The following TRIM46 variants were observed in gnomAD, a reference collection of about 807,000 sequenced individuals.
TRIM46 encodes tripartite motif containing 46.
TRIM46 carries 17 observed loss-of-function variants against 69.7 expected under a neutral mutation model. That is an observed-to-expected ratio of 0.24 (90% CI 0.17 to 0.37). The LOEUF (loss-of-function observed/expected upper bound fraction) is 0.37. Among genes scored for constraint, TRIM46 ranks in the 10% least tolerant of loss-of-function variants. TRIM46 has a pLI of 1.00. For synonymous variants in TRIM46, 391 were observed against 429.0 expected (o/e 0.91, Z 1.09); for missense variants, 675 against 1,025.1 (o/e 0.66, Z 4.66).
chr1:155,178,835 G>A (rs1323223217), intron 7 of TRIM46: 5 of 1,456,384 alleles, frequency 3.4e-6, no homozygotes, highest in East Asian at 2.9e-5. Flanking sequence ...ACTCTGCTCC[G>A]GAGCACCCCA....
Position 155,177,233 on chromosome 1 carries a change from C to G in TRIM46, c.852C>G (p.Asn284Lys), listed in dbSNP as rs747685533. The G allele has an allele frequency of 3.1e-6, 5 of 1,614,044 alleles. No homozygotes were observed. In the East Asian group the frequency reaches 1.1e-4, roughly 36 times the overall value. The change falls in exon 5 of 10, where the codon AAC becomes AAG. Residue 284 changes from asparagine to lysine, a missense_variant. Asn to Lys is a moderately conservative substitution (Grantham distance 94). This residue lies in a region of TRIM46 where 361 missense variants were observed against 498.3 expected (regional missense o/e 0.72). Coordinates refer to ENST00000334634, the MANE Select transcript of TRIM46 (RefSeq NM_025058.5). Reference protein sequence around the residue: ...LTKSLTYILGNQDTVQTQICE... With the variant: ...LTKSLTYILGKQDTVQTQICE... ...AGAGCCTGACATACATCCTGGGAAA[C>G]CAGGACACGGTACAGACCCAGATCT...
rs1665575091 is a variant in TRIM46, at chr1:155,175,555, C to T, written c.233C>T (p.Thr78Ile). 6.2e-7 allele frequency: 1 copy of T among 1,612,874 alleles called. No individual in the cohort carries two copies. Among genetic ancestry groups the T allele is most frequent in the Non-Finnish European group, 8.5e-7 (1 of 1,179,602 alleles). Reference protein sequence around the residue: ...GHGGDPSSEPTSPASTPSTRS... With the variant: ...GHGGDPSSEPISPASTPSTRS... ...GGTGGGGACCCCAGCTCCGAGCCCA[C>T]CTCTCCTGCCTCCACCCCTTCCACC... The change falls in exon 2 of 10, where the codon ACC becomes ATC. Residue 78 changes from threonine (T) to isoleucine (I), a missense_variant. By Grantham distance (89) the Thr-to-Ile change is moderately conservative. This residue lies in a region of TRIM46 where 170 missense variants were observed against 255.6 expected (regional missense o/e 0.67). Transcript: ENST00000334634. This position sits in a 1 kb window ranked among gnomAD's most constrained non-coding sequence, Gnocchi z 4.2.
rs183401065 is a variant in TRIM46, at chr1:155,178,324, C to G, written c.1163+69C>G. The G allele has an allele frequency of 1.7e-5, 26 of 1,560,042 alleles. No homozygotes were observed. In the East Asian group the frequency reaches 5.9e-4, roughly 35 times the overall value. On this transcript the variant is annotated intron_variant, in intron 6 of 9. Coordinates refer to ENST00000334634, the MANE Select transcript of TRIM46 (RefSeq NM_025058.5). ...ATGTGACCAACATCTAGGACAATGT[C>G]TACAGTACTGCCAGGTGGAGAACTG...
chr1:155,174,362 C>A, intron 1 of TRIM46: 1 of 314,914 alleles, frequency 3.2e-6, no homozygotes, highest in Non-Finnish European at 4.6e-6. Flanking sequence ...GACGTGTGAG[C>A]TTGGATATTT....
At chr1:155,176,852 G>T in intron 3 of TRIM46, 80 bp from the exon 4 acceptor site, 2 of 1,540,970 alleles carry the variant, frequency 1.3e-6, no homozygotes, top group Non-Finnish European at 8.9e-7. Context: ...GTGGAGGAGG[G>T]CACCAAACTG....
rs1255644813 is a variant in TRIM46 at position 155,179,909 on chromosome 1, G to T, written c.1563G>T (p.Val521=). 1.3e-6 allele frequency: 2 copies of T among 1,590,498 alleles called. No homozygotes were observed. The highest frequency in any genetic ancestry group is 1.7e-6 in the Non-Finnish European group (2 of 1,163,926). The change falls in exon 8 of 10, where the codon GTG becomes GTT. Residue 521 remains valine (V), a synonymous_variant. Transcript: ENST00000334634. ...KAGYGEYSED[V]HLHTPPAPVL... ...GCTACGGCGAATACAGTGAAGATGT[G>T]CACCTGCACACGCCCCCGGCACCTG...
In TRIM46 at chr1:155,184,391, G is replaced by A. The variant is rs564306724; in HGVS notation, c.*201G>A. ...CTGCCCACCTCTCTGGATGGCCCCC[G>A]TTCTCTCCATTGCTTGTTAGCCAGG... is the stretch of plus-strand genomic sequence containing the variant. On this transcript the variant is annotated 3_prime_UTR_variant, in exon 10 of 10. Transcript: ENST00000334634. This position sits in a 1 kb window ranked among gnomAD's most constrained non-coding sequence, Gnocchi z 5.6. The A allele has an allele frequency of 2.9e-5, 18 of 623,088 alleles. No individual in the cohort carries two copies. Among genetic ancestry groups the A allele is most frequent in the African/African-American group, 1.1e-4 (6 of 54,064 alleles). 38.6% of individuals were successfully genotyped at this position (623,088 alleles called of 1,614,324 possible).
Position 155,178,264 on chromosome 1 carries a change from G to C in TRIM46, c.1163+9G>C. On this transcript the variant is annotated intron_variant, in intron 6 of 9. Coordinates refer to ENST00000334634, the MANE Select transcript of TRIM46 (RefSeq NM_025058.5). ...AAGCAGCTGCACAACAGGTACTCAG[G>C]GGCATGGGCTCCTAGGGGGGCAGGG... 6.3e-7 allele frequency: 1 copy of C among 1,589,796 alleles called. No homozygotes were observed. The highest frequency in any genetic ancestry group is 8.6e-7 in the Non-Finnish European group (1 of 1,165,068).
At chr1:155,178,739 T>TTGCGCCC in intron 7 of TRIM46, 126 bp downstream of exon 7, 1 of 1,348,468 alleles carries the variant, frequency 7.4e-7, no homozygotes, top group Non-Finnish European at 1.0e-6. Flanking sequence ...CAGCCATTCC[T>TTGCGCCC]CCCACCCAGC....
Position 155,183,564 on chromosome 1 carries a change from C to T in TRIM46, c.1887-233C>T, listed in dbSNP as rs986347634. Among the ~76,000 whole-genome samples the T allele has an allele frequency of 4.6e-5, 7 of 152,100 alleles. No homozygotes were observed. In the South Asian group the frequency reaches 1.2e-3, roughly 27 times the overall value. ...ATACCAATGCCATGTCTTTCCTGTC[C>T]GCCTGCCCCTCTCTTGCCAATGTGC... On this transcript the variant is annotated intron_variant, in intron 9 of 9. Transcript: ENST00000334634.
chr1:155,178,449 T>C, intron 6 of TRIM46, 43 bp from the exon 7 acceptor site: 1 of 1,611,654 alleles, frequency 6.2e-7, no homozygotes, highest in South Asian at 1.1e-5. Context: ...GAAGGGAGAC[T>C]GCCCACATGG....
chr1:155,181,603 G>GCACTGACTTCTGTGCC lies in TRIM46; in HGVS notation c.1589-243_1589-228dup, dbSNP rs1666179285. On this transcript the variant is annotated intron_variant, in intron 8 of 9. Coordinates refer to ENST00000334634, the MANE Select transcript of TRIM46 (RefSeq NM_025058.5). The surrounding 1 kb of genome is among the most constrained non-coding windows in gnomAD (Gnocchi z 4.3). Reference sequence around the variant, plus strand: ...GCCCCATGAGTCAGCCAGGTCCGGAGCACTGACTTCTGTGCCCACTGCCAT... The same window carrying GCACTGACTTCTGTGCC: ...GCCCCATGAGTCAGCCAGGTCCGGAGCACTGACTTCTGTGCCCACTGACTTCTGTGCCCACTGCCAT... Among the ~76,000 whole-genome samples the GCACTGACTTCTGTGCC allele has an allele frequency of 6.6e-6, 1 of 152,190 alleles. No homozygotes were observed. Among genetic ancestry groups the GCACTGACTTCTGTGCC allele is most frequent in the Non-Finnish European group, 1.5e-5 (1 of 68,026 alleles).
intron 7 of TRIM46, 157 bp downstream of exon 7, chr1:155,178,770 A>G: frequency 2.5e-6 from 3 of 1,220,602 alleles, no homozygotes; most frequent in Non-Finnish European, 3.3e-6. Flanking sequence ...ACACCGTCCT[A>G]CCGCGCTCAG....
At position 155,183,865 on chromosome 1, in the gene TRIM46, C is replaced by G; in HGVS notation, c.1955C>G (p.Ala652Gly). 1 of 1,612,828 alleles carries G rather than the reference C, an allele frequency of 6.2e-7. No individual in the cohort carries two copies. The highest frequency in any genetic ancestry group is 8.5e-7 in the Non-Finnish European group (1 of 1,180,034). Residue 652 changes from alanine to glycine, a missense_variant, in exon 10 of 10, where the codon GCT becomes GGT. Ala to Gly is a moderately conservative substitution (Grantham distance 60). Around this residue, in one of 5 missense-constraint regions of TRIM46, gnomAD observed 108 missense variants for 153.0 expected, o/e 0.71. Transcript: ENST00000334634. ...DATVEASPPF[A>G]FLTIGMGKIL... ...ACAGTGGAGGCGTCGCCACCCTTCG[C>G]TTTCCTAACCATTGGCATGGGCAAG...
rs1571733219 is a variant in TRIM46 at position 155,175,918 on chromosome 1, G to C, written c.356G>C (p.Gly119Ala). The C allele has an allele frequency of 6.3e-7, 1 of 1,592,498 alleles. No individual in the cohort carries two copies. The highest frequency in any genetic ancestry group is 1.3e-5 in the African/African-American group (1 of 74,620). Reference sequence around the variant, plus strand: ...GGGACATACCCTGGGAGGAAGCGAGGTGCTTTGCACCCCCAAGTGATCATG... The same window carrying C: ...GGGACATACCCTGGGAGGAAGCGAGCTGCTTTGCACCCCCAAGTGATCATG... The part of the protein sequence containing the change: ...GFGTYPGRKR[G>A]ALHPQVIMFP... Residue 119 changes from glycine (G) to alanine (A), a missense_variant, in exon 3 of 10, where the codon GGT (glycine) becomes GCT (alanine). By Grantham distance (60) the Gly-to-Ala change is moderately conservative. Transcript: ENST00000334634. The surrounding 1 kb of genome is among the most constrained non-coding windows in gnomAD (Gnocchi z 4.2).
intron 3 of TRIM46, among the ~76,000 whole-genome samples, chr1:155,176,507 T>C (rs1024196871): frequency 6.6e-6 from 1 of 152,208 alleles, no homozygotes; most frequent in African/African-American, 2.4e-5. Context: ...GTTTGTTCAC[T>C]AAAAAGTGTT....
chr1:155,178,739 T>TGGGGCCCCCCCC, intron 7 of TRIM46, 126 bp downstream of exon 7: 4 of 1,348,466 alleles, frequency 3.0e-6, no homozygotes, highest in Non-Finnish European at 4.1e-6. Context: ...CAGCCATTCC[T>TGGGGCCCCCCCC]CCCACCCAGC....
rs948466603 is a variant in TRIM46, at chr1:155,183,854, G to A, written c.1944G>A (p.Ser648=). Residue 648 remains serine (S), a synonymous_variant, in exon 10 of 10, where the codon TCG becomes TCA. Coordinates refer to ENST00000334634, the MANE Select transcript of TRIM46 (RefSeq NM_025058.5). ...SGAEDATVEA[S]PPFAFLTIGM... ...CCGAGGATGCCACAGTGGAGGCGTC[G>A]CCACCCTTCGCTTTCCTAACCATTG... 2.7e-5 allele frequency: 43 copies of A among 1,611,570 alleles called. No individual in the cohort carries two copies. Among genetic ancestry groups the A allele is most frequent in the East Asian group, 1.6e-4 (7 of 44,898 alleles).
chr1:155,174,437 TGGACCCCTCCCCA>T, intron 1 of TRIM46: 1 of 926,326 alleles, frequency 1.1e-6, no homozygotes, highest in Non-Finnish European at 1.3e-6. Context: ...GTTCCCAATT[TGGACCCCTCCCCA>T]AGACCCCACC....
Sources: gnomAD v4.1 joint callset for allele counts (sites outside exome capture counted in the v4.1 genomes callset) on GRCh38, gnomAD v4.1.1 for gene constraint, gnomAD v4.1.1 regional missense constraint, Gnocchi (gnomAD v3.1) non-coding constraint, MANE v1.5 for transcripts, NCBI Gene and HGNC (gene_info 2026-07-23, HGNC 2026-07-21) for gene names.